PATJ: variants seen among roughly 807,000 people sequenced by gnomAD.
PATJ encodes PATJ crumbs cell polarity complex component.
PATJ carries 190 observed loss-of-function variants against 224.9 expected under a neutral mutation model. The ratio of observed to expected loss-of-function variants is 0.84; its 90% CI spans 0.75 to 0.95. The LOEUF (loss-of-function observed/expected upper bound fraction) is 0.95. Among genes scored for constraint, PATJ ranks in the 40% least tolerant of loss-of-function variants. PATJ has a pLI of 0.00. For missense variants in PATJ, 2,121 were observed against 2,270.3 expected, an observed-to-expected ratio of 0.93 and a Z score of 1.34; for synonymous variants, 769 against 820.3, an observed-to-expected ratio of 0.94 and a Z score of 1.07.
chr1:61,837,992 T>C (rs1249774762), intron 17 of PATJ, among the ~76,000 whole-genome samples: 2 of 152,160 alleles, frequency 1.3e-5, no homozygotes, highest in African/African-American at 2.4e-5. Context: ...CTGAGTCATA[T>C]GGCCAAAGTA....
At chr1:61,746,181 A>T (rs1186516440) in intron 1 of PATJ, among the ~76,000 whole-genome samples, 1 of 152,068 alleles carries the variant, frequency 6.6e-6, no homozygotes, top group African/African-American at 2.4e-5. Flanking sequence ...ACCTCAAGAG[A>T]TCTGCCCGAC....
intron 27 of PATJ, among the ~76,000 whole-genome samples, chr1:61,961,976 AAAAAAAAAAG>A (rs1269669868): frequency 6.6e-6 from 1 of 151,060 alleles, no homozygotes; most frequent in Non-Finnish European, 1.5e-5. Flanking sequence ...TCTTAGAAAA[AAAAAAAAAAG>A]AAAGAAAAGA....
intron 20 of PATJ, among the ~76,000 whole-genome samples, chr1:61,867,213 G>A (rs991571608): frequency 6.6e-6 from 1 of 152,140 alleles, no homozygotes. Flanking sequence ...GAGTTGCTCT[G>A]GTTCCAGCAC....
In PATJ at chr1:61,861,621, G is replaced by T. The variant is rs1664631057; in HGVS notation, c.2393G>T (p.Gly798Val). The change falls in exon 19 of 44, where the codon GGA becomes GTA. Residue 798 changes from glycine to valine, a missense_variant. Coordinates refer to ENST00000642238, the MANE Select transcript of PATJ (RefSeq NM_001350145.3). ...AATGAAGACAAGACTGAATTTTCAGGAACAATTCATGATATAAATTCATCT... is the reference window on the plus strand; with the variant it reads ...AATGAAGACAAGACTGAATTTTCAGTAACAATTCATGATATAAATTCATCT... ...SSNEDKTEFS[G>V]TIHDINSSLI... 1 of 1,486,710 alleles carries T rather than the reference G, an allele frequency of 6.7e-7. No homozygotes were observed. Among genetic ancestry groups the T allele is most frequent in the Non-Finnish European group, 9.0e-7 (1 of 1,108,290 alleles). 92.1% of individuals were successfully genotyped at this position (1,486,710 alleles called of 1,614,324 possible). A position where few individuals can be genotyped will look rare whatever the true frequency, so the allele number is the denominator to read the frequency against.
intron 42 of PATJ, among the ~76,000 whole-genome samples, chr1:62,152,473 G>A (rs1484951325): frequency 2.6e-5 from 4 of 151,854 alleles, no homozygotes; most frequent in Non-Finnish European, 4.4e-5. Context: ...TCAACATGGC[G>A]AAACCTCATC....
intron 27 of PATJ, among the ~76,000 whole-genome samples, chr1:61,984,159 TTATTA>T (rs1159361747): frequency 2.3e-5 from 3 of 127,956 alleles, no homozygotes; most frequent in Admixed American, 8.1e-5. Context: ...ATTATTATTA[TTATTA>T]TTTTTTTTTT....
intron 30 of PATJ, among the ~76,000 whole-genome samples, chr1:62,043,883 A>G (rs1301451495): frequency 1.3e-5 from 2 of 152,084 alleles, no homozygotes; most frequent in Non-Finnish European, 2.9e-5. Flanking sequence ...ACGCACCACC[A>G]TACCTGGCTA....
intron 33 of PATJ, among the ~76,000 whole-genome samples, chr1:62,089,826 T>C (rs1381173641): frequency 6.6e-6 from 1 of 152,158 alleles, no homozygotes; most frequent in African/African-American, 2.4e-5. Context: ...GTGGAAAACA[T>C]TGAGACTCAC....
chr1:61,867,764 A>C (rs1329927600), intron 20 of PATJ, among the ~76,000 whole-genome samples: 1 of 152,136 alleles, frequency 6.6e-6, no homozygotes. Flanking sequence ...ACAGTGAGGA[A>C]CACTTACACC....
At chr1:62,000,668 G>A (rs1358339886) in intron 28 of PATJ, among the ~76,000 whole-genome samples, 2 of 150,704 alleles carry the variant, frequency 1.3e-5, no homozygotes, top group Non-Finnish European at 2.9e-5. Flanking sequence ...ACGTGTGCAT[G>A]TGTCTTTATA....
intron 9 of PATJ, among the ~76,000 whole-genome samples, chr1:61,791,655 G>T (rs893458473): frequency 1.3e-5 from 2 of 152,076 alleles, no homozygotes; most frequent in Non-Finnish European, 2.9e-5. Flanking sequence ...ATTAACAAAA[G>T]AATATAATTG....
Position 62,121,216 on chromosome 1 carries a change from CT to C in PATJ, c.4927del (p.Ser1643ProfsTer37). 1.9e-6 allele frequency: 3 copies of C among 1,613,924 alleles called. No individual in the cohort carries two copies. Among genetic ancestry groups the C allele is most frequent in the Non-Finnish European group, 2.5e-6 (3 of 1,179,950 alleles). The stretch of plus-strand genomic sequence containing the variant: ...AGAGTGCACACAGCAGCTGTCATCC[CT>C]CCTTCGCTCCTGTCATCACTGGCCT... Reference protein sequence around the residue: ...QQSAHSSCHPSFAPVITGLQN... With the variant: ...QQSAHSSCHPXFAPVITGLQN... On this transcript the variant is annotated frameshift_variant, in exon 38 of 44. Coordinates refer to ENST00000642238, the MANE Select transcript of PATJ (RefSeq NM_001350145.3). LOFTEE classifies it high-confidence loss of function.
rs74320857 is a variant in PATJ at position 62,134,047 on chromosome 1, A to C, written c.5271+5102A>C. Among the ~76,000 whole-genome samples the C allele has an allele frequency of 3.0e-3, 449 of 150,616 alleles. 17 individuals are homozygous for C. In the East Asian group the frequency reaches 0.078, roughly 26 times the overall value. ...AGGTGTGAGCCACCGTGCCCAGCCA[A>C]TTTTGCATTTCTTCTAACAAGCTCC... is the stretch of plus-strand genomic sequence containing the variant. On this transcript the variant is annotated intron_variant, in intron 41 of 43. Transcript: ENST00000642238.
chr1:61,893,102 A>G (rs1441279383), intron 22 of PATJ, among the ~76,000 whole-genome samples: 1 of 152,232 alleles, frequency 6.6e-6, no homozygotes, highest in East Asian at 1.9e-4. Flanking sequence ...GTTCATCAGT[A>G]TAAAGTGACT....
chr1:61,743,579 C>T (rs1403223427), intron 1 of PATJ, among the ~76,000 whole-genome samples: 1 of 152,226 alleles, frequency 6.6e-6, no homozygotes, highest in Middle Eastern at 3.2e-3. Flanking sequence ...GAGGATGATA[C>T]TACCACATTC....
intron 7 of PATJ, among the ~76,000 whole-genome samples, chr1:61,776,937 T>G (rs12040093): frequency 0.21 from 32,467 of 151,856 alleles, 3,799 homozygotes; most frequent in Non-Finnish European, 0.27. Context: ...GTGTTAGCTA[T>G]GATGGTCTCG....
intron 28 of PATJ, among the ~76,000 whole-genome samples, chr1:62,001,923 G>C (rs1012509887): frequency 6.6e-6 from 1 of 152,132 alleles, no homozygotes; most frequent in African/African-American, 2.4e-5. Context: ...CAGAAAGGAC[G>C]TGACAGCCCA....
chr1:61,991,373 T>A, intron 28 of PATJ: 2 of 403,176 alleles, frequency 5.0e-6, no homozygotes, highest in Non-Finnish European at 6.7e-6. Flanking sequence ...TGTTAAAATG[T>A]TCCAACTTTA....
At chr1:61,977,159 C>T (rs1644180794) in intron 27 of PATJ, among the ~76,000 whole-genome samples, 1 of 152,074 alleles carries the variant, frequency 6.6e-6, no homozygotes, top group African/African-American at 2.4e-5. Context: ...GTGATCATGG[C>T]TTACTATATC....
Sources: gnomAD v4.1 joint callset for allele counts (sites outside exome capture counted in the v4.1 genomes callset) on GRCh38, gnomAD v4.1.1 for gene constraint, MANE v1.5 for transcripts, NCBI Gene and HGNC (gene_info 2026-07-23, HGNC 2026-07-21) for gene names.